The following FGFR2 variants were observed in gnomAD, a reference collection of about 807,000 sequenced individuals.
FGFR2 encodes fibroblast growth factor receptor 2, also known as BEK fibroblast growth factor receptor.
A neutral mutation model predicts 95.9 loss-of-function variants in FGFR2; 19 were observed. The observed-to-expected ratio is 0.20, with a 90% CI of 0.14 to 0.29. The LOEUF is 0.29. Ranked by LOEUF, FGFR2 falls within the 10% of genes least tolerant of loss-of-function variation. The probability of loss-of-function intolerance (pLI) is 1.00; values close to 1 mark genes in which losing one functional copy is unlikely to be tolerated. For missense variants in FGFR2, 707 were observed against 1,056.9 expected, an observed-to-expected ratio of 0.67 and a Z score of 4.59; for synonymous variants, 392 against 393.3, an observed-to-expected ratio of 1.00 and a Z score of 0.04.
rs1309596973 is a variant in FGFR2 at position 121,593,751 on chromosome 10, G to T, written c.67C>A (p.Pro23Thr). 10 of 1,614,190 alleles carry T rather than the reference G, an allele frequency of 6.2e-6. No individual in the cohort carries two copies. In the Admixed American group the frequency reaches 1.5e-4, roughly 24 times the overall value. The part of the protein sequence containing the change: ...VTMATLSLAR[P>T]SFSLVEDTTL... ...GTATCCTCAACTAAACTGAAGGAGGGCCGGGCCAGGGACAAGGTTGCCATG... is the reference window on the plus strand; with the variant it reads ...GTATCCTCAACTAAACTGAAGGAGGTCCGGGCCAGGGACAAGGTTGCCATG... Residue 23 changes from proline (P) to threonine (T), a missense_variant, in exon 2 of 18, where the codon CCC (proline) becomes ACC (threonine). Physicochemically the swap from Pro to Thr is conservative, Grantham distance 38 (BLOSUM62 -1). This residue lies in a region of FGFR2 where 178 missense variants were observed against 194.1 expected (regional missense o/e 0.92). Coordinates refer to ENST00000358487, the MANE Select transcript of FGFR2 (RefSeq NM_000141.5).
At chr10:121,593,419 C>T (rs1862963857) in intron 2 of FGFR2, among the ~76,000 whole-genome samples, 2 of 152,146 alleles carry the variant, frequency 1.3e-5, no homozygotes, top group South Asian at 4.1e-4. Context: ...TCATCCCTTC[C>T]ACAGCTCTCT....
At chr10:121,554,505 ATT>A (rs11334001) in intron 4 of FGFR2, among the ~76,000 whole-genome samples, 3,817 of 121,934 alleles carry the variant, frequency 0.031, 149 homozygotes, top group African/African-American at 0.099. Flanking sequence ...TGCCCGGCTA[ATT>A]TTTTTTTTTT....
intron 10 of FGFR2, among the ~76,000 whole-genome samples, chr10:121,503,166 G>A (rs980110137): frequency 3.9e-5 from 6 of 152,232 alleles, no homozygotes; most frequent in African/African-American, 7.2e-5. Flanking sequence ...GCTCCAGTAC[G>A]TGGAGTTCAA....
At chr10:121,515,342 A>G (rs1849571345) in intron 8 of FGFR2, 23 bp from the exon 9 acceptor site, 1 of 1,610,322 alleles carries the variant, frequency 6.2e-7, no homozygotes, top group African/African-American at 1.3e-5. Context: ...TCACAGGAGG[A>G]GGAACAGATA....
Position 121,546,191 on chromosome 10 carries a change from A to AAAAAAAAAAG in FGFR2, c.624+5098_624+5099insCTTTTTTTTT, listed in dbSNP as rs1423642229. On this transcript the variant is annotated intron_variant, in intron 5 of 17. Transcript: ENST00000358487. ...ATGAAGGTAACCTCTTTATTAAAAA[A>AAAAAAAAAAG]AAAAAAAAAAAATCTGTGCTGTTGT... Among the ~76,000 whole-genome samples, 187 of 151,808 alleles carry AAAAAAAAAAG rather than the reference A, an allele frequency of 1.2e-3. 3 individuals are homozygous for AAAAAAAAAAG. The highest frequency in any genetic ancestry group is 4.4e-3 in the African/African-American group (181 of 41,326).
intron 16 of FGFR2, among the ~76,000 whole-genome samples, chr10:121,484,798 C>A (rs1845195506): frequency 6.6e-6 from 1 of 152,222 alleles, no homozygotes; most frequent in African/African-American, 2.4e-5. Context: ...ATGTTTAATT[C>A]TCTGCACTAA....
intron 13 of FGFR2, among the ~76,000 whole-genome samples, chr10:121,490,027 C>T (rs1845921578): frequency 6.6e-6 from 1 of 152,194 alleles, no homozygotes; most frequent in Admixed American, 6.5e-5. Context: ...CTGGCCTCAG[C>T]CTGAATGTGC....
At chr10:121,533,633 G>A (rs933365019) in intron 6 of FGFR2, among the ~76,000 whole-genome samples, 8 of 152,194 alleles carry the variant, frequency 5.3e-5, no homozygotes, top group Non-Finnish European at 7.3e-5. Flanking sequence ...TCTTTCTCCC[G>A]CACATTCTGT....
At chr10:121,511,744 C>A (rs1849082984) in intron 9 of FGFR2, among the ~76,000 whole-genome samples, 1 of 152,202 alleles carries the variant, frequency 6.6e-6, no homozygotes, top group African/African-American at 2.4e-5. Context: ...TGCCTCCCAC[C>A]ACCCAAAAGT....
At position 121,485,064 on chromosome 10, in the gene FGFR2, C is replaced by T. The variant is rs1488906705; in HGVS notation, c.2195+331G>A. On this transcript the variant is annotated intron_variant, in intron 16 of 17. Coordinates refer to ENST00000358487, the MANE Select transcript of FGFR2 (RefSeq NM_000141.5). The surrounding 1 kb of genome is among the most constrained non-coding windows in gnomAD (Gnocchi z 4.2). Reference sequence around the variant, plus strand: ...TCCTGACCCGTGGGTCTTCCTGTCACTCCACGGGAGACCGCAGAAGGTGCA... The same window carrying T: ...TCCTGACCCGTGGGTCTTCCTGTCATTCCACGGGAGACCGCAGAAGGTGCA... Among the ~76,000 whole-genome samples, 1 of 152,142 alleles carries T rather than the reference C, an allele frequency of 6.6e-6. No homozygotes were observed. Among genetic ancestry groups the T allele is most frequent in the East Asian group, 1.9e-4 (1 of 5,176 alleles).
intron 6 of FGFR2, among the ~76,000 whole-genome samples, chr10:121,530,048 C>T (rs752965284): frequency 6.6e-6 from 1 of 152,138 alleles, no homozygotes; most frequent in Non-Finnish European, 1.5e-5. Context: ...ACACCCTTGG[C>T]CATCTATTTC....
At chr10:121,560,485 G>A (rs1223083229) in intron 4 of FGFR2, among the ~76,000 whole-genome samples, 1 of 151,620 alleles carries the variant, frequency 6.6e-6, no homozygotes, top group African/African-American at 2.4e-5. Context: ...TGTGGTGGTG[G>A]GCACCTGTAG....
chr10:121,562,119 G>C lies in FGFR2; in HGVS notation c.454+2383C>G, dbSNP rs74664807. Among the ~76,000 whole-genome samples the C allele has an allele frequency of 3.4e-3, 513 of 152,286 alleles. 1 individual carries two copies. The highest frequency in any genetic ancestry group is 0.011 in the African/African-American group (449 of 41,554). On this transcript the variant is annotated intron_variant, in intron 4 of 17. Transcript: ENST00000358487. ...GTGCAGCCACTTTGCAAGGCAGCTA[G>C]GTGGTTTCCTACAAATCTAAACATA...
chr10:121,556,161 T>C (rs1856102381), intron 4 of FGFR2, among the ~76,000 whole-genome samples: 2 of 152,166 alleles, frequency 1.3e-5, no homozygotes, highest in Admixed American at 1.3e-4. Context: ...TGGATGACTA[T>C]TAAAAGCTTT....
intron 2 of FGFR2, among the ~76,000 whole-genome samples, chr10:121,583,759 C>A (rs201714941): frequency 1.4e-5 from 2 of 146,696 alleles, no homozygotes; most frequent in African/African-American, 2.5e-5. Flanking sequence ...CATTCTCCAG[C>A]AAAAAAAAAA....
chr10:121,500,989 T>C lies in FGFR2; in HGVS notation c.1440-42A>G, dbSNP rs41295623. 954 of 1,611,006 alleles carry C rather than the reference T, an allele frequency of 5.9e-4. 9 individuals are homozygous for C. In the African/African-American group the frequency reaches 8.0e-3, roughly 14 times the overall value. On this transcript the variant is annotated intron_variant, in intron 10 of 17. Transcript: ENST00000358487. ...GGGATTAGCACATAGCATCTGGTGA[T>C]GGGGTGTAGTGAGGGAAATTCCAGA...
chr10:121,494,150 C>T (rs1221904947), intron 13 of FGFR2, among the ~76,000 whole-genome samples: 1 of 152,140 alleles, frequency 6.6e-6, no homozygotes, highest in Non-Finnish European at 1.5e-5. Context: ...TCCTCCCCCT[C>T]AGAGGCTTCC....
chr10:121,513,775 G>A lies in FGFR2; in HGVS notation c.1287+1342C>T, dbSNP rs541410890. ...TAACACAATTTGGTCATTCGCCTACGCTTGACACACACTTTAAATTCTATC... is the reference window on the plus strand; with the variant it reads ...TAACACAATTTGGTCATTCGCCTACACTTGACACACACTTTAAATTCTATC... On this transcript the variant is annotated intron_variant, in intron 9 of 17. Coordinates refer to ENST00000358487, the MANE Select transcript of FGFR2 (RefSeq NM_000141.5). Among the ~76,000 whole-genome samples, 13 of 152,178 alleles carry A rather than the reference G, an allele frequency of 8.5e-5. No individual in the cohort carries two copies. In the South Asian group the frequency reaches 1.5e-3, roughly 17 times the overall value.
At chr10:121,570,084 G>C (rs1200221677) in intron 2 of FGFR2, among the ~76,000 whole-genome samples, 2 of 152,246 alleles carry the variant, frequency 1.3e-5, no homozygotes, top group East Asian at 1.9e-4. Flanking sequence ...CCCAAGCCCA[G>C]CCTGCAGGGC....
Sources: allele counts gnomAD v4.1 joint callset (sites outside exome capture counted in the v4.1 genomes callset), GRCh38; gene constraint gnomAD v4.1.1; regional missense constraint gnomAD v4.1.1; non-coding constraint Gnocchi (gnomAD v3.1); transcripts MANE v1.5; gene names NCBI Gene and HGNC (gene_info 2026-07-23, HGNC 2026-07-21).